The following ARFGEF1 variants were observed in gnomAD, a reference collection of about 807,000 sequenced individuals.
The protein encoded by ARFGEF1 is brefeldin A-inhibited guanine nucleotide-exchange protein 1.
A neutral mutation model predicts 231.0 loss-of-function variants in ARFGEF1; 42 were observed. The observed-to-expected ratio is 0.18, with a 90% CI of 0.14 to 0.24. The LOEUF is 0.24. Among genes scored for constraint, ARFGEF1 ranks in the 10% least tolerant of loss-of-function variants. ARFGEF1 has a pLI of 1.00. For missense variants in ARFGEF1, 1,345 were observed against 2,192.0 expected (o/e 0.61, Z 7.72); for synonymous variants, 710 against 732.3 (o/e 0.97, Z 0.49).
chr8:67,232,736 A>C, intron 23 of ARFGEF1, 119 bp downstream of exon 23: 1 of 781,846 alleles, frequency 1.3e-6, no homozygotes, highest in Non-Finnish European at 2.0e-6. Flanking sequence ...ATCACAATAT[A>C]ATTTTATATT....
At chr8:67,217,199 G>A (rs966864389) in intron 32 of ARFGEF1, among the ~76,000 whole-genome samples, 8 of 151,582 alleles carry the variant, frequency 5.3e-5, no homozygotes, top group African/African-American at 1.9e-4. Flanking sequence ...AGCTACTTGG[G>A]AGGCTAAGGC....
intron 5 of ARFGEF1, among the ~76,000 whole-genome samples, chr8:67,179,566 T>C (rs1174851827): frequency 2.6e-5 from 4 of 152,220 alleles, no homozygotes; most frequent in Non-Finnish European, 5.9e-5. Flanking sequence ...GATCCTTTTA[T>C]TTGACTTCAA....
At chr8:67,244,755 TAA>T (rs1840054379) in intron 19 of ARFGEF1, among the ~76,000 whole-genome samples, 1 of 150,364 alleles carries the variant, frequency 6.7e-6, no homozygotes. Context: ...AGGGCAATTC[TAA>T]AAGTTATTGG....
At position 67,201,424 on chromosome 8, in the gene ARFGEF1, C is replaced by T. The variant is rs374888705; in HGVS notation, c.5267+43G>A. 64 of 1,577,284 alleles carry T rather than the reference C, an allele frequency of 4.1e-5. No individual in the cohort carries two copies. The African/African-American group carries it at 5.6e-4, about 14-fold the overall frequency. On this transcript the variant is annotated intron_variant, in intron 37 of 38. Coordinates refer to ENST00000262215, the MANE Select transcript of ARFGEF1 (RefSeq NM_006421.5). ...GGTGCCTCTTTCCTGCCCGGCACCACGTGGCTACCTGGTCAGAGATGGAAA... is the reference window on the plus strand; with the variant it reads ...GGTGCCTCTTTCCTGCCCGGCACCATGTGGCTACCTGGTCAGAGATGGAAA...
intron 19 of ARFGEF1, among the ~76,000 whole-genome samples, chr8:67,250,704 CT>C (rs1840256024): frequency 6.6e-6 from 1 of 152,202 alleles, no homozygotes; most frequent in Non-Finnish European, 1.5e-5. Flanking sequence ...TCAAACTTAA[CT>C]AGACACTACT....
At chr8:67,312,300 A>G (rs936779447) in intron 1 of ARFGEF1, among the ~76,000 whole-genome samples, 1 of 152,028 alleles carries the variant, frequency 6.6e-6, no homozygotes, top group African/African-American at 2.4e-5. Flanking sequence ...ACTAAAGACA[A>G]AACAATCTTG....
intron 4 of ARFGEF1, 66 bp from the exon 5 acceptor site, chr8:67,296,676 T>G: frequency 7.7e-7 from 1 of 1,302,014 alleles, no homozygotes; most frequent in Non-Finnish European, 1.0e-6. Context: ...GGAGACAGTC[T>G]TTCTCGCTCT....
At chr8:67,232,584 A>G (rs1417470497) in intron 23 of ARFGEF1, among the ~76,000 whole-genome samples, 1 of 152,036 alleles carries the variant, frequency 6.6e-6, no homozygotes, top group Non-Finnish European at 1.5e-5. Context: ...AAACATTTGT[A>G]TTCTTTTCCA....
intron 1 of ARFGEF1, among the ~76,000 whole-genome samples, chr8:67,311,759 G>A (rs573948115): frequency 3.3e-5 from 5 of 152,308 alleles, no homozygotes; most frequent in East Asian, 3.9e-4. Flanking sequence ...CATTGAGAAC[G>A]GGCCAGGATG....
chr8:67,251,729 A>C (rs550795551), intron 18 of ARFGEF1, among the ~76,000 whole-genome samples: 1 of 152,268 alleles, frequency 6.6e-6, no homozygotes, highest in East Asian at 1.9e-4. Context: ...GGGATAATGA[A>C]ATCTTTTGGA....
intron 10 of ARFGEF1, among the ~76,000 whole-genome samples, chr8:67,268,481 T>C (rs926855965): frequency 1.3e-5 from 2 of 152,198 alleles, no homozygotes; most frequent in Non-Finnish European, 1.5e-5. Context: ...CAGAGGGAGA[T>C]ACATCTGTTG....
intron 32 of ARFGEF1, 143 bp from the exon 33 acceptor site, chr8:67,216,805 C>A: frequency 4.0e-6 from 2 of 503,412 alleles, no homozygotes; most frequent in South Asian, 6.5e-5. Flanking sequence ...TTAGCAATTT[C>A]CTAAAAAACA....
chr8:67,226,543 C>A (rs546206603), intron 27 of ARFGEF1, among the ~76,000 whole-genome samples: 20 of 152,100 alleles, frequency 1.3e-4, no homozygotes, highest in African/African-American at 4.8e-4. Flanking sequence ...TAGCTGTAAG[C>A]ACTACGTAAA....
chr8:67,201,659 G>A, intron 36 of ARFGEF1, 54 bp from the exon 37 acceptor site: 1 of 1,607,296 alleles, frequency 6.2e-7, no homozygotes, highest in Non-Finnish European at 8.5e-7. Flanking sequence ...TTATGTAAAG[G>A]TGAAACAGCC....
At chr8:67,202,742 T>C (rs1418393558) in intron 36 of ARFGEF1, among the ~76,000 whole-genome samples, 1 of 152,238 alleles carries the variant, frequency 6.6e-6, no homozygotes, top group Non-Finnish European at 1.5e-5. Flanking sequence ...TGCCAGGTTT[T>C]GTGTGTGCGA....
intron 19 of ARFGEF1, among the ~76,000 whole-genome samples, chr8:67,244,771 T>A (rs1840055028): frequency 6.7e-6 from 1 of 150,312 alleles, no homozygotes; most frequent in African/African-American, 2.5e-5. Flanking sequence ...TTATTGGTCT[T>A]CAAAGAGGCA....
intron 7 of ARFGEF1, among the ~76,000 whole-genome samples, chr8:67,284,532 A>G (rs1395952358): frequency 3.9e-5 from 6 of 152,226 alleles, no homozygotes; most frequent in Non-Finnish European, 7.3e-5. Context: ...CATCTTTAGT[A>G]GGATATATTT....
chr8:67,302,091 C>T (rs529678461), intron 2 of ARFGEF1, among the ~76,000 whole-genome samples: 14 of 151,990 alleles, frequency 9.2e-5, no homozygotes, highest in Admixed American at 5.9e-4. Context: ...CCCAGGTACT[C>T]GGCAGGCTGA....
chr8:67,264,511 G>C (rs1804767449), intron 14 of ARFGEF1, among the ~76,000 whole-genome samples: 1 of 152,078 alleles, frequency 6.6e-6, no homozygotes, highest in Non-Finnish European at 1.5e-5. Context: ...GGAGAACTAA[G>C]GGGCTGATGT....
Sources: allele counts gnomAD v4.1 joint callset (sites outside exome capture counted in the v4.1 genomes callset), GRCh38; gene constraint gnomAD v4.1.1; transcripts MANE v1.5; gene names NCBI Gene and HGNC (gene_info 2026-07-23, HGNC 2026-07-21).